Variants in PDE4D observed in about 807,000 individuals in gnomAD.
PDE4D encodes the protein 3',5'-cyclic-AMP phosphodiesterase 4D.
Under a neutral mutation model 87.4 loss-of-function variants are expected in PDE4D, and 24 were observed. The observed-to-expected ratio is 0.27, with a 90% CI of 0.20 to 0.39. PDE4D has a LOEUF of 0.39. Among genes scored for constraint, PDE4D ranks in the 10% least tolerant of loss-of-function variants. PDE4D has a pLI of 1.00. For missense variants in PDE4D, 714 were observed against 1,041.0 expected, an observed-to-expected ratio of 0.69 and a Z score of 4.32; for synonymous variants, 384 against 383.2, an observed-to-expected ratio of 1.00 and a Z score of -0.02.
intron 2 of PDE4D, among the ~76,000 whole-genome samples, chr5:60,164,987 A>T (rs1782764293): frequency 6.6e-6 from 1 of 152,034 alleles, no homozygotes; most frequent in African/African-American, 2.4e-5. Flanking sequence ...AAATCTCTTG[A>T]ATTTATTCCT....
intron 1 of PDE4D, among the ~76,000 whole-genome samples, chr5:60,213,662 G>C (rs1293242451): frequency 6.6e-6 from 1 of 152,126 alleles, no homozygotes; most frequent in Non-Finnish European, 1.5e-5. Context: ...AATAAGGCCA[G>C]GCATTATGGA....
chr5:59,499,505 T>TAA, intron 1 of PDE4D, among the ~76,000 whole-genome samples: 1 of 151,558 alleles, frequency 6.6e-6, no homozygotes, highest in South Asian at 2.1e-4. Flanking sequence ...TTGGAAAGGA[T>TAA]AAAAAAAGAT....
At chr5:59,770,104 T>A (rs1763292434) in intron 1 of PDE4D, among the ~76,000 whole-genome samples, 1 of 152,234 alleles carries the variant, frequency 6.6e-6, no homozygotes, top group African/African-American at 2.4e-5. Flanking sequence ...CAAAAAATGT[T>A]AGACAAATAT....
intron 1 of PDE4D, among the ~76,000 whole-genome samples, chr5:59,518,995 C>T (rs1247251659): frequency 2.6e-5 from 4 of 152,176 alleles, no homozygotes; most frequent in Non-Finnish European, 5.9e-5. Flanking sequence ...TAAGACAAAG[C>T]AGGTGTTAAT....
chr5:59,234,209 T>C (rs1231280767), intron 1 of PDE4D, among the ~76,000 whole-genome samples: 1 of 152,224 alleles, frequency 6.6e-6, no homozygotes, highest in Non-Finnish European at 1.5e-5. Context: ...TTGAATATAT[T>C]CATCCATTTT....
intron 1 of PDE4D, among the ~76,000 whole-genome samples, chr5:59,639,812 AGTGT>A (rs70975323): frequency 0.026 from 3,665 of 143,652 alleles, 69 homozygotes; most frequent in Non-Finnish European, 0.032. Context: ...TAGTGTCTAT[AGTGT>A]GTGTGTGTGT....
chr5:60,493,553 C>G (rs1236996206), intron 1 of PDE4D, among the ~76,000 whole-genome samples: 1 of 151,968 alleles, frequency 6.6e-6, no homozygotes, highest in African/African-American at 2.4e-5. Flanking sequence ...AATAGCCACC[C>G]CAGAGAAGGA....
intron 1 of PDE4D, among the ~76,000 whole-genome samples, chr5:59,347,382 A>G (rs1206648739): frequency 6.6e-6 from 1 of 152,196 alleles, no homozygotes; most frequent in Admixed American, 6.5e-5. Context: ...TATGGGTGCT[A>G]TTCTCAAAAT....
At chr5:60,304,927 A>G (rs904236172) in intron 1 of PDE4D, among the ~76,000 whole-genome samples, 2 of 151,844 alleles carry the variant, frequency 1.3e-5, no homozygotes, top group Non-Finnish European at 2.9e-5. Flanking sequence ...GTAATAGAAA[A>G]AGAGCTGGAC....
chr5:59,972,574 T>C (rs1581981616), intron 3 of PDE4D, among the ~76,000 whole-genome samples: 1 of 152,260 alleles, frequency 6.6e-6, no homozygotes, highest in East Asian at 1.9e-4. Context: ...TTTAAATGCC[T>C]GTTTTAATGC....
chr5:59,747,211 T>C (rs76884366), intron 1 of PDE4D, among the ~76,000 whole-genome samples: 2,262 of 152,224 alleles, frequency 0.015, 61 homozygotes, highest in African/African-American at 0.052. Flanking sequence ...CCCTCCAGTA[T>C]TCTGACTCCA....
chr5:59,416,406 T>TG (rs1474209154), intron 1 of PDE4D, among the ~76,000 whole-genome samples: 2 of 152,096 alleles, frequency 1.3e-5, no homozygotes, highest in East Asian at 3.9e-4. Flanking sequence ...TTTTTTTCCA[T>TG]GGGGGTTCGT....
intron 5 of PDE4D, among the ~76,000 whole-genome samples, chr5:59,080,618 G>C (rs562559944): frequency 2.0e-5 from 3 of 152,268 alleles, no homozygotes; most frequent in African/African-American, 7.2e-5. Flanking sequence ...TTTCTCCTTA[G>C]GCAAAAGCTA....
At chr5:59,485,718 T>C (rs1029642598) in intron 1 of PDE4D, among the ~76,000 whole-genome samples, 1 of 152,150 alleles carries the variant, frequency 6.6e-6, no homozygotes, top group Non-Finnish European at 1.5e-5. Flanking sequence ...TGCTTTCATT[T>C]TGCATAAGAT....
chr5:59,804,553 T>TTTTTTTTTTTTTTTTTG (rs1554088341), intron 1 of PDE4D, among the ~76,000 whole-genome samples: 1 of 152,116 alleles, frequency 6.6e-6, no homozygotes, highest in Non-Finnish European at 1.5e-5. Context: ...CCCTAACTTT[T>TTTTTTTTTTTTTTTTTG]AATGTTTACC....
At chr5:59,361,972 G>A (rs938965586) in intron 1 of PDE4D, among the ~76,000 whole-genome samples, 5 of 151,612 alleles carry the variant, frequency 3.3e-5, no homozygotes, top group Non-Finnish European at 7.4e-5. Flanking sequence ...AATACCATTG[G>A]GCAAGTTTTC....
chr5:59,711,481 T>C (rs575048089), intron 1 of PDE4D, among the ~76,000 whole-genome samples: 417 of 152,302 alleles, frequency 2.7e-3, no homozygotes, highest in Non-Finnish European at 4.6e-3. Context: ...TCTTTCATCA[T>C]ACTTTCTTCT....
chr5:59,864,417 C>T (rs1232224584), intron 1 of PDE4D, among the ~76,000 whole-genome samples: 2 of 152,134 alleles, frequency 1.3e-5, no homozygotes, highest in Non-Finnish European at 2.9e-5. Flanking sequence ...CTAACAAATG[C>T]TTTTAAACAC....
At chr5:60,269,346 T>C (rs1750579705) in intron 1 of PDE4D, among the ~76,000 whole-genome samples, 1 of 152,246 alleles carries the variant, frequency 6.6e-6, no homozygotes, top group Admixed American at 6.5e-5. Flanking sequence ...TCTTGTATTT[T>C]GTATTTATAT....
Sources: allele counts gnomAD v4.1 joint callset (sites outside exome capture counted in the v4.1 genomes callset), GRCh38; gene constraint gnomAD v4.1.1; transcripts MANE v1.5; gene names NCBI Gene and HGNC (gene_info 2026-07-23, HGNC 2026-07-21).